The following SYNPR variants were observed in gnomAD, a reference collection of about 807,000 sequenced individuals.
The protein encoded by SYNPR is synaptoporin.
In SYNPR, 23 loss-of-function variants were observed where a neutral mutation model predicts 32.9. The ratio of observed to expected loss-of-function variants is 0.70; its 90% CI spans 0.50 to 0.99. SYNPR has a LOEUF of 0.99. Ranked by LOEUF, SYNPR falls within the 50% of genes least tolerant of loss-of-function variation. The pLI, the probability that SYNPR is intolerant of heterozygous loss-of-function variation, is 0.00. For synonymous variants in SYNPR, 146 were observed against 135.9 expected (o/e 1.07, Z -0.52); for missense variants, 318 against 349.3 (o/e 0.91, Z 0.71).
At chr3:63,314,661 C>T (rs138166304) in intron 2 of SYNPR, among the ~76,000 whole-genome samples, 20 of 152,144 alleles carry the variant, frequency 1.3e-4, no homozygotes, top group African/African-American at 4.3e-4. Context: ...AGATTTTCTC[C>T]TACTCTGTGG....
In SYNPR at chr3:63,591,142, C is replaced by T. The variant is rs1294110044; in HGVS notation, c.409-17983C>T. Among the ~76,000 whole-genome samples the T allele has an allele frequency of 2.8e-3, 415 of 150,092 alleles. 3 individuals carry two copies. Among genetic ancestry groups the T allele is most frequent in the African/African-American group, 8.7e-3 (352 of 40,530 alleles). ...ACAAACAACCCCATCAAAAAGTGGG[C>T]GAAGGACATGAACAGACACTTCTCT... On this transcript the variant is annotated intron_variant, in intron 4 of 5. Coordinates refer to ENST00000478300, the MANE Select transcript of SYNPR (RefSeq NM_001130003.2).
chr3:63,365,626 A>C (rs2087720330), intron 2 of SYNPR, among the ~76,000 whole-genome samples: 1 of 152,240 alleles, frequency 6.6e-6, no homozygotes, highest in Admixed American at 6.5e-5. Flanking sequence ...TGAAAGAGGA[A>C]AGGAATAAAT....
intron 4 of SYNPR, among the ~76,000 whole-genome samples, chr3:63,607,656 C>G (rs1308082873): frequency 6.6e-6 from 1 of 152,190 alleles, no homozygotes; most frequent in African/African-American, 2.4e-5. Context: ...CCTTAGTTTT[C>G]TAGAGCCAAC....
At chr3:63,256,623 A>G (rs945183568) in intron 2 of SYNPR, among the ~76,000 whole-genome samples, 2 of 152,174 alleles carry the variant, frequency 1.3e-5, no homozygotes, top group African/African-American at 2.4e-5. Flanking sequence ...TGGAGAAAAA[A>G]CAGAGCAGAA....
chr3:63,466,079 G>A (rs1043300309), intron 2 of SYNPR, among the ~76,000 whole-genome samples: 1 of 152,092 alleles, frequency 6.6e-6, no homozygotes, highest in Non-Finnish European at 1.5e-5. Context: ...TCTCTGAAAG[G>A]ACCCAGTGTG....
chr3:63,267,877 C>T (rs1451475498), intron 3 of SYNPR, among the ~76,000 whole-genome samples: 3 of 151,964 alleles, frequency 2.0e-5, no homozygotes, highest in African/African-American at 4.8e-5. Context: ...AACTTCCCTC[C>T]CTGAGTCCCC....
At chr3:63,511,505 T>C (rs1701699035) in intron 3 of SYNPR, among the ~76,000 whole-genome samples, 1 of 152,190 alleles carries the variant, frequency 6.6e-6, no homozygotes, top group African/African-American at 2.4e-5. Flanking sequence ...CTTGGATCCC[T>C]ATAATGCACG....
chr3:63,302,066 T>A (rs1288377664), intron 2 of SYNPR, among the ~76,000 whole-genome samples: 1 of 152,102 alleles, frequency 6.6e-6, no homozygotes, highest in Non-Finnish European at 1.5e-5. Flanking sequence ...TTTTCTCACT[T>A]TGAATACCAT....
At chr3:63,416,877 G>A (rs2088549221) in intron 2 of SYNPR, among the ~76,000 whole-genome samples, 1 of 152,088 alleles carries the variant, frequency 6.6e-6, no homozygotes, top group African/African-American at 2.4e-5. Flanking sequence ...CCCACCAGGT[G>A]CCTCCCACAA....
Position 63,505,019 on chromosome 3 carries a change from G to A in SYNPR, c.209+24063G>A, listed in dbSNP as rs1701560735. Among the ~76,000 whole-genome samples, 4 of 152,040 alleles carry A rather than the reference G, an allele frequency of 2.6e-5. No individual in the cohort carries two copies. The South Asian group carries it at 8.3e-4, about 32-fold the overall frequency. On this transcript the variant is annotated intron_variant, in intron 3 of 5. Transcript: ENST00000478300. ...ATCAAGAGTGTGTCTGTGAGTGAAA[G>A]ATGGTAAGTGAACTGGAAACAGAAG...
chr3:63,572,757 C>T (rs1238806011), intron 4 of SYNPR, among the ~76,000 whole-genome samples: 2 of 152,162 alleles, frequency 1.3e-5, no homozygotes, highest in African/African-American at 4.8e-5. Context: ...ACTCCAGGAA[C>T]TGTATGCATA....
At chr3:63,397,420 T>C (rs2088230463) in intron 2 of SYNPR, among the ~76,000 whole-genome samples, 2 of 152,196 alleles carry the variant, frequency 1.3e-5, no homozygotes, top group Non-Finnish European at 2.9e-5. Flanking sequence ...AACTGAGTGG[T>C]CTAGAGTTTT....
chr3:63,299,670 G>T (rs777053500), intron 2 of SYNPR, among the ~76,000 whole-genome samples: 1 of 152,108 alleles, frequency 6.6e-6, no homozygotes, highest in Non-Finnish European at 1.5e-5. Flanking sequence ...CTTCAAGAAG[G>T]AACAATGGGT....
chr3:63,459,468 G>A (rs997737999), intron 2 of SYNPR, among the ~76,000 whole-genome samples: 11 of 152,130 alleles, frequency 7.2e-5, no homozygotes, highest in South Asian at 4.2e-4. Flanking sequence ...ATGTGATTAC[G>A]TTTCATCCTA....
At chr3:63,569,640 C>G (rs1415868548) in intron 4 of SYNPR, among the ~76,000 whole-genome samples, 1 of 152,260 alleles carries the variant, frequency 6.6e-6, no homozygotes, top group Non-Finnish European at 1.5e-5. Flanking sequence ...ATCCCCAAGA[C>G]AGGCATGAAT....
chr3:63,243,138 A>T (rs933175377), intron 1 of SYNPR, among the ~76,000 whole-genome samples: 4 of 151,958 alleles, frequency 2.6e-5, no homozygotes, highest in African/African-American at 7.2e-5. Context: ...TGAATATATG[A>T]TATCTAATGT....
intron 4 of SYNPR, among the ~76,000 whole-genome samples, chr3:63,607,172 C>T (rs759966457): frequency 6.6e-6 from 1 of 152,024 alleles, no homozygotes; most frequent in Admixed American, 6.6e-5. Context: ...TTTAAGGTAA[C>T]TGTGGGCCCT....
intron 2 of SYNPR, among the ~76,000 whole-genome samples, chr3:63,434,835 T>A (rs982965192): frequency 2.6e-5 from 4 of 152,208 alleles, no homozygotes; most frequent in Admixed American, 2.0e-4. Flanking sequence ...ACTAGAATTA[T>A]GAAAATAGGC....
At chr3:63,480,081 A>T (rs1388232399) in intron 2 of SYNPR, among the ~76,000 whole-genome samples, 1 of 152,230 alleles carries the variant, frequency 6.6e-6, no homozygotes, top group Non-Finnish European at 1.5e-5. Flanking sequence ...CTCTTAGGCC[A>T]TCCTGTCTTC....
Sources: allele counts gnomAD v4.1 joint callset (sites outside exome capture counted in the v4.1 genomes callset), GRCh38; gene constraint gnomAD v4.1.1; transcripts MANE v1.5; gene names NCBI Gene and HGNC (gene_info 2026-07-23, HGNC 2026-07-21).